SERTM1: variants seen among roughly 807,000 people sequenced by gnomAD.
SERTM1 encodes serine rich and transmembrane domain containing 1, also known as serine-rich and transmembrane domain-containing protein 1.
SERTM1 carries 1 observed loss-of-function variant against 5.5 expected under a neutral mutation model. The observed-to-expected ratio is 0.18, with a 90% CI of 0.06 to 0.86. The LOEUF (loss-of-function observed/expected upper bound fraction) is 0.86. SERTM1 is among the 40% of genes least tolerant of loss of function. SERTM1 has a pLI of 0.69. For synonymous variants in SERTM1, 52 were observed against 55.1 expected (o/e 0.94, Z 0.25); for missense variants, 91 against 122.4 (o/e 0.74, Z 1.21).
intron 1 of SERTM1, among the ~76,000 whole-genome samples, chr13:36,691,210 C>A (rs1034776715): frequency 1.3e-5 from 2 of 152,186 alleles, no homozygotes; most frequent in Non-Finnish European, 2.9e-5. Flanking sequence ...CTGGTCAACT[C>A]TTCTTCATTT....
At chr13:36,682,627 A>T (rs1321486706) in intron 1 of SERTM1, among the ~76,000 whole-genome samples, 1 of 152,176 alleles carries the variant, frequency 6.6e-6, no homozygotes, top group Non-Finnish European at 1.5e-5. Flanking sequence ...TGGAGAATTG[A>T]AAACAGCATG....
At position 36,695,467 on chromosome 13, in the gene SERTM1, A is replaced by G. The variant is rs774910997; in HGVS notation, c.*65A>G. ...CATCCCCTTACGGAAGTGTCCCGTG[A>G]GGCATTGCCTCATGAAAGAAATGAT... is the stretch of plus-strand genomic sequence containing the variant. On this transcript the variant is annotated 3_prime_UTR_variant, in exon 2 of 2. Coordinates refer to ENST00000315190, the MANE Select transcript of SERTM1 (RefSeq NM_203451.3). 12 of 1,160,612 alleles carry G rather than the reference A, an allele frequency of 1.0e-5. No homozygotes were observed. Among genetic ancestry groups the G allele is most frequent in the Non-Finnish European group, 1.5e-5 (12 of 798,750 alleles). 71.9% of individuals were successfully genotyped at this position (1,160,612 alleles called of 1,614,324 possible).
At chr13:36,686,934 C>T (rs540371613) in intron 1 of SERTM1, among the ~76,000 whole-genome samples, 54 of 152,278 alleles carry the variant, frequency 3.5e-4, no homozygotes, top group Non-Finnish European at 7.2e-4. Context: ...GTATCCAAAA[C>T]TTAGCCTGCC....
Position 36,681,181 on chromosome 13 carries a change from A to G in SERTM1, c.-174+6997A>G, listed in dbSNP as rs138946444. ...CCATTTGAATTATTACTTATTCGTC[A>G]TGAGATACAGAACTCGTGCCAGAAT... On this transcript the variant is annotated intron_variant, in intron 1 of 1. Transcript: ENST00000315190. Among the ~76,000 whole-genome samples, 1,125 of 152,370 alleles carry G rather than the reference A, an allele frequency of 7.4e-3. 8 individuals are homozygous for G. The highest frequency in any genetic ancestry group is 0.027 in the Middle Eastern group (8 of 294).
At chr13:36,690,279 A>C (rs185994703) in intron 1 of SERTM1, among the ~76,000 whole-genome samples, 3 of 152,328 alleles carry the variant, frequency 2.0e-5, no homozygotes, top group African/African-American at 7.2e-5. Flanking sequence ...TGAAGGACTC[A>C]TAATGAGAGT....
intron 1 of SERTM1, among the ~76,000 whole-genome samples, chr13:36,687,669 T>C (rs1177669933): frequency 1.3e-5 from 2 of 152,140 alleles, no homozygotes; most frequent in African/African-American, 2.4e-5. Context: ...ATATTCTAAG[T>C]GGCAAAGAAG....
rs113742542 is a variant in SERTM1, at chr13:36,675,803, G to A, written c.-174+1619G>A. Among the ~76,000 whole-genome samples, 216 of 152,294 alleles carry A rather than the reference G, an allele frequency of 1.4e-3. 1 individual carries two copies. The highest frequency in any genetic ancestry group is 4.9e-3 in the African/African-American group (202 of 41,566). On this transcript the variant is annotated intron_variant, in intron 1 of 1. Transcript: ENST00000315190. ...ACCTTTAAATGCTGGACATCGTAGG[G>A]CCGCCGAAGCCTCTGCCAACCTCAG...
At chr13:36,674,683 GTCA>G (rs2056658941) in intron 1 of SERTM1, among the ~76,000 whole-genome samples, 1 of 152,126 alleles carries the variant, frequency 6.6e-6, no homozygotes, top group Admixed American at 6.5e-5. Context: ...ATTTTCTAGG[GTCA>G]TTTGCGTCCC....
intron 1 of SERTM1, among the ~76,000 whole-genome samples, chr13:36,689,540 AATAAT>A (rs2056764369): frequency 2.7e-5 from 4 of 148,212 alleles, no homozygotes; most frequent in Admixed American, 2.0e-4. Context: ...TAATAATAAT[AATAAT>A]AGTTTTTTTC....
At chr13:36,683,358 C>A (rs1278906609) in intron 1 of SERTM1, among the ~76,000 whole-genome samples, 1 of 152,156 alleles carries the variant, frequency 6.6e-6, no homozygotes, top group African/African-American at 2.4e-5. Flanking sequence ...TAATATATTA[C>A]ATACACAATT....
intron 1 of SERTM1, among the ~76,000 whole-genome samples, chr13:36,686,542 A>G (rs2056742472): frequency 6.6e-6 from 1 of 152,190 alleles, no homozygotes; most frequent in Non-Finnish European, 1.5e-5. Flanking sequence ...TGTTTTATGT[A>G]TGTATGCATG....
At chr13:36,680,331 C>G (rs2056696933) in intron 1 of SERTM1, among the ~76,000 whole-genome samples, 1 of 152,150 alleles carries the variant, frequency 6.6e-6, no homozygotes, top group South Asian at 2.1e-4. Flanking sequence ...CTTATTATCC[C>G]TGTCGGTTTT....
rs1352142823 is a variant in SERTM1 at position 36,674,052 on chromosome 13, C to T, written c.-306C>T. On this transcript the variant is annotated 5_prime_UTR_variant, in exon 1 of 2. Coordinates refer to ENST00000315190, the MANE Select transcript of SERTM1 (RefSeq NM_203451.3). ...CTGCGCCTGCTGTCCGCCGTGCGCC[C>T]AGACTGCGCGCCGCGCCGCTGCGCC... 1 of 152,304 alleles carries T rather than the reference C, an allele frequency of 6.6e-6. No individual in the cohort carries two copies. The highest frequency in any genetic ancestry group is 1.5e-5 in the Non-Finnish European group (1 of 68,144). 9.4% of individuals were successfully genotyped at this position (152,304 alleles called of 1,614,324 possible). A position where few individuals can be genotyped will look rare whatever the true frequency, so the allele number is the denominator to read the frequency against.
intron 1 of SERTM1, among the ~76,000 whole-genome samples, chr13:36,692,675 G>C (rs1433011949): frequency 6.6e-6 from 1 of 152,198 alleles, no homozygotes; most frequent in Non-Finnish European, 1.5e-5. Flanking sequence ...TGGAGAAGTA[G>C]GAAAGGTAGG....
In SERTM1 at chr13:36,696,750, A is replaced by C. The variant is rs546479963; in HGVS notation, c.*1348A>C. 1 of 167,208 alleles carries C rather than the reference A, an allele frequency of 6.0e-6. No homozygotes were observed. The highest frequency in any genetic ancestry group is 1.9e-4 in the East Asian group (1 of 5,186). The allele number at this position is 167,208 out of a possible 1,614,324, so 10.4% of individuals were successfully genotyped here. A position where few individuals can be genotyped will look rare whatever the true frequency, so the allele number is the denominator to read the frequency against. Reference sequence around the variant, plus strand: ...GTAAGAATTTTAATTTAATTTTGAAAATAAATGGCCCACAGGGTAAACACT... The same window carrying C: ...GTAAGAATTTTAATTTAATTTTGAACATAAATGGCCCACAGGGTAAACACT... On this transcript the variant is annotated 3_prime_UTR_variant, in exon 2 of 2. Transcript: ENST00000315190.
At chr13:36,694,340 A>G (rs529359342) in intron 1 of SERTM1, among the ~76,000 whole-genome samples, 38 of 152,260 alleles carry the variant, frequency 2.5e-4, no homozygotes, top group Non-Finnish European at 1.8e-4. Flanking sequence ...AAGCATGTAA[A>G]ACAAAGTACC....
At chr13:36,689,519 A>C (rs957418415) in intron 1 of SERTM1, among the ~76,000 whole-genome samples, 1 of 147,570 alleles carries the variant, frequency 6.8e-6, no homozygotes. Context: ...TAATAATAAT[A>C]ATAATAATAA....
intron 1 of SERTM1, among the ~76,000 whole-genome samples, chr13:36,688,968 T>C (rs1279908259): frequency 6.6e-6 from 1 of 152,194 alleles, no homozygotes; most frequent in Non-Finnish European, 1.5e-5. Context: ...TTAGCCAAGA[T>C]GGGTCCAGTC....
At chr13:36,690,799 T>A (rs1331115728) in intron 1 of SERTM1, among the ~76,000 whole-genome samples, 1 of 152,190 alleles carries the variant, frequency 6.6e-6, no homozygotes, top group Non-Finnish European at 1.5e-5. Flanking sequence ...GGAAAAAGCT[T>A]TTTATTATGT....
Sources: allele counts gnomAD v4.1 joint callset (sites outside exome capture counted in the v4.1 genomes callset), GRCh38; gene constraint gnomAD v4.1.1; transcripts MANE v1.5; gene names NCBI Gene and HGNC (gene_info 2026-07-23, HGNC 2026-07-21).